Variants in ARHGAP45 observed in about 807,000 individuals in gnomAD.
ARHGAP45 encodes rho GTPase-activating protein 45.
ARHGAP45 carries 56 observed loss-of-function variants against 116.1 expected under a neutral mutation model. The ratio of observed to expected loss-of-function variants is 0.48; its 90% confidence interval spans 0.39 to 0.60. The LOEUF (loss-of-function observed/expected upper bound fraction) is 0.60, where lower values mean the gene tolerates loss of function less well. Among genes scored for constraint, ARHGAP45 ranks in the 20% least tolerant of loss-of-function variants. The pLI is 0.00. For missense variants in ARHGAP45, 1,622 were observed against 1,601.0 expected, an observed-to-expected ratio of 1.01 and a Z score of -0.22; for synonymous variants, 866 against 701.7, an observed-to-expected ratio of 1.23 and a Z score of -3.70.
At position 1,068,670 on chromosome 19, in the gene ARHGAP45, T is replaced by A; in HGVS notation, c.347T>A (p.Ile116Asn). 6.2e-7 allele frequency: 1 copy of A among 1,612,566 alleles called. No individual in the cohort carries two copies. The highest frequency in any genetic ancestry group is 8.5e-7 in the Non-Finnish European group (1 of 1,179,998). ...EGAGPDVVED[I>N]SHLLADVARF... ...GCCGGCCCGGACGTCGTCGAGGACA[T>A]CTCCCATCTGCTGGCGGACGTGGCC... Residue 116 changes from isoleucine to asparagine, a missense_variant, in exon 2 of 23, where the codon ATC becomes AAC. Transcript: ENST00000313093. The surrounding 1 kb of genome is among the most constrained non-coding windows in gnomAD (Gnocchi z 7.5).
chr19:1,082,259 C>T (rs1394769920), intron 19 of ARHGAP45, among the ~76,000 whole-genome samples: 2 of 101,190 alleles, frequency 2.0e-5, no homozygotes, highest in Admixed American at 1.2e-4. Context: ...GGCAGAGGCA[C>T]ACCTGACGCT....
rs554162060 is a variant in ARHGAP45, at chr19:1,069,937, C to G, written c.421+1193C>G. On this transcript the variant is annotated intron_variant, in intron 2 of 22. Coordinates refer to ENST00000313093, the MANE Select transcript of ARHGAP45 (RefSeq NM_012292.5). The surrounding 1 kb of genome is among the most constrained non-coding windows in gnomAD (Gnocchi z 4.1). The stretch of plus-strand genomic sequence containing the variant: ...GCTCAAGCCATCCTCCTACCTCTGC[C>G]TCCCGAGTACCTGAGACTACAGGCA... Among the ~76,000 whole-genome samples the G allele has an allele frequency of 2.5e-4, 38 of 152,052 alleles. No homozygotes were observed. Among genetic ancestry groups the G allele is most frequent in the Non-Finnish European group, 4.9e-4 (33 of 68,016 alleles).
Position 1,086,059 on chromosome 19 carries a change from C to T in ARHGAP45, c.*53C>T, listed in dbSNP as rs904106044. Reference sequence around the variant, plus strand: ...GCTTCTCTCTTGCCTGCTCCTGTCCCTCCAGCACGTCCCCTGCACCACGGC... The same window carrying T: ...GCTTCTCTCTTGCCTGCTCCTGTCCTTCCAGCACGTCCCCTGCACCACGGC... On this transcript the variant is annotated 3_prime_UTR_variant, in exon 23 of 23. Coordinates refer to ENST00000313093, the MANE Select transcript of ARHGAP45 (RefSeq NM_012292.5). The T allele has an allele frequency of 6.1e-6, 9 of 1,470,648 alleles. No homozygotes were observed. The highest frequency in any genetic ancestry group is 2.8e-6 in the Non-Finnish European group (3 of 1,064,476). The allele number at this position is 1,470,648 out of a possible 1,614,324, so 91.1% of individuals were successfully genotyped here.
Position 1,073,578 on chromosome 19 carries a change from C to T in ARHGAP45, c.638C>T (p.Ala213Val), listed in dbSNP as rs774188898. ...AAGGCCCTGGAGACGATTGCTGTGG[C>T]CTTCAGTAGCACGTGAGCACGGGAG... Reference protein sequence around the residue: ...FEKALETIAVAFSSTVSEFLM... With the variant: ...FEKALETIAVVFSSTVSEFLM... The change falls in exon 4 of 23, where the codon GCC (alanine) becomes GTC (valine). Residue 213 changes from alanine to valine, a missense_variant. Ala to Val is a moderately conservative substitution (Grantham distance 64). Transcript: ENST00000313093. 6.2e-7 allele frequency: 1 copy of T among 1,613,760 alleles called. No homozygotes were observed. The highest frequency in any genetic ancestry group is 1.3e-5 in the African/African-American group (1 of 74,912).
chr19:1,082,830 C>T lies in ARHGAP45; in HGVS notation c.2518-10C>T. The T allele has an allele frequency of 6.7e-7, 1 of 1,484,946 alleles. No homozygotes were observed. The highest frequency in any genetic ancestry group is 9.0e-7 in the Non-Finnish European group (1 of 1,117,080). The allele number at this position is 1,484,946 out of a possible 1,614,324, so 92.0% of individuals were successfully genotyped here. A position where few individuals can be genotyped will look rare whatever the true frequency, so the allele number is the denominator to read the frequency against. On this transcript the variant is annotated splice_polypyrimidine_tract_variant and intron_variant, in intron 19 of 22. Transcript: ENST00000313093. ...CCCACCAACACCTGCTGACCCTTGA[C>T]TCTGCGCAGCTTCCCGAGCCGCTCA... is the stretch of plus-strand genomic sequence containing the variant.
At chr19:1,073,615 G>A in intron 4 of ARHGAP45, 25 bp downstream of exon 4, 1 of 1,613,314 alleles carries the variant, frequency 6.2e-7, no homozygotes, top group Non-Finnish European at 8.5e-7. Context: ...CTGTGGGGCA[G>A]GGCAAGGGAG....
Position 1,083,063 on chromosome 19 carries a change from G to A in ARHGAP45, c.2741G>A (p.Arg914His), listed in dbSNP as rs1479333664. ...ASLQYLLRHL[R>H]RIVEVEQDNK... is the part of the protein sequence containing the mutation. ...CTGCAGTACCTGCTGCGTCACCTAC[G>A]CAGGTGAGTCCCGGCATATGGAGTG... Residue 914 changes from arginine (R) to histidine (H), a missense_variant, in exon 20 of 23, where the codon CGC (arginine) becomes CAC (histidine). This residue lies in a region of ARHGAP45 where 1,334 missense variants were observed against 1,263.8 expected (regional missense o/e 1.06). Coordinates refer to ENST00000313093, the MANE Select transcript of ARHGAP45 (RefSeq NM_012292.5). 6.4e-7 allele frequency: 1 copy of A among 1,550,852 alleles called. No homozygotes were observed. Among genetic ancestry groups the A allele is most frequent in the African/African-American group, 1.4e-5 (1 of 73,794 alleles).
chr19:1,077,845 C>T lies in ARHGAP45; in HGVS notation c.1186-12C>T, dbSNP rs2043298973. The stretch of plus-strand genomic sequence containing the variant: ...AGGGTTGGAACTGGCCTCCTGGCTC[C>T]CACACCCACAGCAAGAGGCGGAGTC... On this transcript the variant is annotated splice_polypyrimidine_tract_variant and intron_variant, in intron 10 of 22. Coordinates refer to ENST00000313093, the MANE Select transcript of ARHGAP45 (RefSeq NM_012292.5). The T allele has an allele frequency of 1.3e-6, 2 of 1,551,828 alleles. No individual in the cohort carries two copies. Among genetic ancestry groups the T allele is most frequent in the Admixed American group, 2.0e-5 (1 of 51,088 alleles).
At chr19:1,074,288 T>C in intron 7 of ARHGAP45, 47 bp downstream of exon 7, 2 of 1,611,786 alleles carry the variant, frequency 1.2e-6, no homozygotes, top group Non-Finnish European at 1.7e-6. Context: ...GAGGGGGTTC[T>C]GGGTGAGCTG....
chr19:1,077,685 C>T (rs1217407243), intron 10 of ARHGAP45, 172 bp from the exon 11 acceptor site: 1 of 1,470,028 alleles, frequency 6.8e-7, no homozygotes, highest in Non-Finnish European at 9.1e-7. Flanking sequence ...CGCGCCCGGC[C>T]ACTCCTCCTG....
chr19:1,084,161 G>A, intron 21 of ARHGAP45, 77 bp from the exon 22 acceptor site: 1 of 1,353,078 alleles, frequency 7.4e-7, no homozygotes, highest in Non-Finnish European at 1.1e-6. Context: ...GTTACGGGCT[G>A]TGTGGGTGGG....
upstream of ARHGAP45, among the ~76,000 whole-genome samples, chr19:1,066,831 A>AAC (rs890089049): frequency 7.3e-5 from 7 of 95,800 alleles, no homozygotes; most frequent in Non-Finnish European, 1.3e-4. Context: ...GAGGCGGTGG[A>AAC]GCGGGCTTGC....
rs1431455208 is a variant in ARHGAP45 at position 1,067,291 on chromosome 19, T to C, written c.-115T>C. 3 of 1,418,634 alleles carry C rather than the reference T, an allele frequency of 2.1e-6. No homozygotes were observed. The highest frequency in any genetic ancestry group is 2.8e-6 in the Non-Finnish European group (3 of 1,088,354). The allele number at this position is 1,418,634 out of a possible 1,614,324, so 87.9% of individuals were successfully genotyped here. ...GACGGCCGGGCCTGTCACGTGGGCC[T>C]GACAGCTGGGGAGGGGGTGGCCGGC... On this transcript the variant is annotated 5_prime_UTR_variant, in exon 1 of 23. Coordinates refer to ENST00000313093, the MANE Select transcript of ARHGAP45 (RefSeq NM_012292.5).
At chr19:1,073,799 G>T in intron 5 of ARHGAP45, 53 bp downstream of exon 5, 4 of 1,547,576 alleles carry the variant, frequency 2.6e-6, no homozygotes, top group Non-Finnish European at 3.5e-6. Context: ...GGCCAGCCGG[G>T]TTCAGGTCTG....
chr19:1,078,033 G>A lies in ARHGAP45; in HGVS notation c.1362G>A (p.Glu454=). The A allele has an allele frequency of 6.4e-7, 1 of 1,554,292 alleles. No homozygotes were observed. The highest frequency in any genetic ancestry group is 8.7e-7 in the Non-Finnish European group (1 of 1,147,292). Residue 454 remains glutamate, a synonymous_variant, in exon 11 of 23, where the codon GAG becomes GAA. Coordinates refer to ENST00000313093, the MANE Select transcript of ARHGAP45 (RefSeq NM_012292.5). The part of the protein sequence containing the change: ...TLDKRRRLEE[E]AKNKAEEAMA... ...ACAAGCGGCGGCGGCTGGAGGAGGAGGCCAAGAACAAGGTGAGGGCGGGTG... is the reference window on the plus strand; with the variant it reads ...ACAAGCGGCGGCGGCTGGAGGAGGAAGCCAAGAACAAGGTGAGGGCGGGTG...
rs1332701966 is a variant in ARHGAP45 at position 1,080,546 on chromosome 19, A to C, written c.1911A>C (p.Ala637=). ...GTGGGCTGGACCCCGGCCCTGGCGC[A>C]GGTGAGGGAGGCTCTCTGGCGGGCT... is the stretch of plus-strand genomic sequence containing the variant. ...SDSGLDPGPG[A]GDFKKFERTS... Residue 637 remains alanine (A), a splice_region_variant and synonymous_variant, in exon 15 of 23, where the codon GCA becomes GCC. Coordinates refer to ENST00000313093, the MANE Select transcript of ARHGAP45 (RefSeq NM_012292.5). 1 of 1,612,586 alleles carries C rather than the reference A, an allele frequency of 6.2e-7. No homozygotes were observed. The highest frequency in any genetic ancestry group is 8.5e-7 in the Non-Finnish European group (1 of 1,179,776).
At chr19:1,077,801 CTG>C in intron 10 of ARHGAP45, 54 bp from the exon 11 acceptor site, 1 of 1,550,426 alleles carries the variant, frequency 6.4e-7, no homozygotes, top group East Asian at 2.4e-5. Flanking sequence ...GCTGGGGAGA[CTG>C]AGTCCCATCC....
chr19:1,079,575 G>T, intron 11 of ARHGAP45, 128 bp from the exon 12 acceptor site: 1 of 1,169,294 alleles, frequency 8.6e-7, no homozygotes, highest in Non-Finnish European at 1.2e-6. Flanking sequence ...CTGGCCTCAA[G>T]CAAGTCTCCC....
chr19:1,077,722 G>A (rs1371952166), intron 10 of ARHGAP45, 135 bp from the exon 11 acceptor site: 1 of 1,513,874 alleles, frequency 6.6e-7, no homozygotes, highest in African/African-American at 1.4e-5. Context: ...TGTTGTGCAG[G>A]GTCCTCTGCA....
Sources: allele counts gnomAD v4.1 joint callset (sites outside exome capture counted in the v4.1 genomes callset), GRCh38; gene constraint gnomAD v4.1.1; regional missense constraint gnomAD v4.1.1; non-coding constraint Gnocchi (gnomAD v3.1); transcripts MANE v1.5; gene names NCBI Gene and HGNC (gene_info 2026-07-23, HGNC 2026-07-21).